HADH: variants seen among roughly 807,000 people sequenced by gnomAD.
The protein encoded by HADH is hydroxyacyl-CoA dehydrogenase.
A neutral mutation model predicts 32.2 loss-of-function variants in HADH; 24 were observed. The observed-to-expected ratio is 0.75, with a 90% CI of 0.54 to 1.05. HADH has a LOEUF of 1.05. Ranked by LOEUF, HADH falls within the 50% of genes least tolerant of loss-of-function variation. The pLI, the probability that HADH is intolerant of heterozygous loss-of-function variation, is 0.00. For missense variants in HADH, 350 were observed against 397.1 expected (o/e 0.88, Z 1.01); for synonymous variants, 139 against 152.5 (o/e 0.91, Z 0.65).
At position 108,013,133 on chromosome 4, in the gene HADH, A is replaced by G. The variant is rs572436006; in HGVS notation, c.262-1298A>G. The stretch of plus-strand genomic sequence containing the variant: ...TTTTTAGTGGAGACGGGGTTTCACC[A>G]TGTTATCCCGGATGGTCTCGATCTC... On this transcript the variant is annotated intron_variant, in intron 2 of 7. Transcript: ENST00000309522. 1.7e-4 allele frequency among the ~76,000 whole-genome samples: 26 copies of G among 152,278 alleles called. No homozygotes were observed. In the South Asian group the frequency reaches 5.2e-3, roughly 30 times the overall value.
chr4:107,990,549 G>C (rs530690084), intron 1 of HADH, among the ~76,000 whole-genome samples: 2 of 152,172 alleles, frequency 1.3e-5, no homozygotes, highest in African/African-American at 4.8e-5. Flanking sequence ...TCTCCTAAAC[G>C]GCCTCCCGGC....
chr4:108,009,964 G>A lies in HADH; in HGVS notation c.261+77G>A, dbSNP rs1007574923. On this transcript the variant is annotated intron_variant, in intron 2 of 7. Coordinates refer to ENST00000309522, the MANE Select transcript of HADH (RefSeq NM_005327.7). ...TTTGCAGGGCAATGGGGGATTTCTG[G>A]CTTTCTTTCTTTCTTTTTTTTTTTT... 4.5e-6 allele frequency: 4 copies of A among 897,736 alleles called. No individual in the cohort carries two copies. The African/African-American group carries it at 7.1e-5, about 16-fold the overall frequency. The allele number at this position is 897,736 out of a possible 1,614,324, so 55.6% of individuals were successfully genotyped here.
chr4:108,028,537 C>T (rs144223482), intron 6 of HADH: 34 of 249,362 alleles, frequency 1.4e-4, no homozygotes, highest in African/African-American at 6.8e-4. Flanking sequence ...AAAACATTTA[C>T]ACCAGCTCTT....
chr4:107,997,024 C>T (rs1165953815), intron 1 of HADH, among the ~76,000 whole-genome samples: 1 of 152,144 alleles, frequency 6.6e-6, no homozygotes, highest in Non-Finnish European at 1.5e-5. Flanking sequence ...CAAGACATTA[C>T]ACAACCAGAG....
intron 1 of HADH, among the ~76,000 whole-genome samples, chr4:107,997,712 A>G (rs922298217): frequency 2.0e-5 from 3 of 152,050 alleles, no homozygotes; most frequent in Non-Finnish European, 4.4e-5. Context: ...CATGTAGGTC[A>G]CTGTAATATA....
In HADH at chr4:108,009,455, A is replaced by G. The variant is rs6810610; in HGVS notation, c.133-304A>G. ...GAGAAGTATTTAGAGCTTGGCCTTC[A>G]GGGCTTTGATTCAGATTCCGGCTCT... On this transcript the variant is annotated intron_variant, in intron 1 of 7. Transcript: ENST00000309522. Among the ~76,000 whole-genome samples, 132,756 of 152,268 alleles carry G rather than the reference A, an allele frequency of 0.87. 58,642 individuals carry two copies. The highest frequency in any genetic ancestry group is 0.97 in the East Asian group (5,038 of 5,182).
At chr4:108,032,999 A>T in intron 6 of HADH, 177 bp from the exon 7 acceptor site, 1 of 656,590 alleles carries the variant, frequency 1.5e-6, no homozygotes, top group Non-Finnish European at 2.8e-6. Flanking sequence ...ACAAAGTCTT[A>T]TGACCTCTTT....
intron 4 of HADH, among the ~76,000 whole-genome samples, chr4:108,022,165 A>ATGTGTGTGTGTGTGTG (rs771719177): frequency 1.6e-5 from 2 of 121,238 alleles, no homozygotes; most frequent in African/African-American, 5.9e-5. Flanking sequence ...TTACATATAT[A>ATGTGTGTGTGTGTGTG]TATGTGTGTG....
intron 7 of HADH, 64 bp downstream of exon 7, chr4:108,033,356 G>A: frequency 1.1e-6 from 1 of 887,374 alleles, no homozygotes; most frequent in Non-Finnish European, 1.9e-6. Context: ...AAATTATAAT[G>A]CCTTTTTAAA....
At chr4:108,009,977 C>CTT (rs11388783) in intron 2 of HADH, 90 bp downstream of exon 2, 25,574 of 546,742 alleles carry the variant, frequency 0.047, 3 homozygotes, top group East Asian at 0.069. Context: ...TTCTTTCTTT[C>CTT]TTTTTTTTTT....
At chr4:108,033,358 CT>C in intron 7 of HADH, 66 bp downstream of exon 7, 2 of 879,326 alleles carry the variant, frequency 2.3e-6, no homozygotes, top group Non-Finnish European at 3.9e-6. Context: ...ATTATAATGC[CT>C]TTTTAAAAAA....
rs181400190 is a variant in HADH, at chr4:107,991,627, C to T, written c.132+1563C>T. Among the ~76,000 whole-genome samples the T allele has an allele frequency of 2.8e-3, 426 of 152,188 alleles. 3 individuals carry two copies. The highest frequency in any genetic ancestry group is 0.017 in the Middle Eastern group (5 of 294). ...CCTGGCTGCTAGGTTATAGTATCCC[C>T]ATAATCTATGTTGTATGTGGACTGG... On this transcript the variant is annotated intron_variant, in intron 1 of 7. Coordinates refer to ENST00000309522, the MANE Select transcript of HADH (RefSeq NM_005327.7).
chr4:107,992,023 G>A (rs1734829932), intron 1 of HADH, among the ~76,000 whole-genome samples: 1 of 152,230 alleles, frequency 6.6e-6, no homozygotes, highest in Non-Finnish European at 1.5e-5. Context: ...AAAAATGGAT[G>A]TTGTGTTGCA....
At chr4:108,031,395 G>A (rs1014939860) in intron 6 of HADH, 13 of 152,306 alleles carry the variant, frequency 8.5e-5, no homozygotes, top group African/African-American at 3.1e-4. Context: ...CCAAGCCTGA[G>A]GAGCCTGTGA....
At chr4:108,027,960 G>C (rs1344050164) in intron 6 of HADH, 200 bp downstream of exon 6, 1 of 619,742 alleles carries the variant, frequency 1.6e-6, no homozygotes, top group Non-Finnish European at 2.9e-6. Context: ...TTCCCTGTGG[G>C]CCTCTGAGAA....
chr4:108,025,135 C>T (rs1416253255), intron 5 of HADH: 1 of 152,180 alleles, frequency 6.6e-6, no homozygotes. Flanking sequence ...CAGCCATAGA[C>T]AGTATATGCA....
At chr4:108,031,300 T>G (rs1405765247) in intron 6 of HADH, 3 of 152,338 alleles carry the variant, frequency 2.0e-5, no homozygotes, top group Non-Finnish European at 4.4e-5. Flanking sequence ...GTCAGAAGTA[T>G]GACACCTGAG....
chr4:108,008,199 G>A (rs922173973), intron 1 of HADH, among the ~76,000 whole-genome samples: 1 of 152,206 alleles, frequency 6.6e-6, no homozygotes, highest in African/African-American at 2.4e-5. Flanking sequence ...GCAGCCTGTG[G>A]AATGTTTCTG....
At chr4:108,003,838 C>T (rs1341647713) in intron 1 of HADH, among the ~76,000 whole-genome samples, 2 of 150,792 alleles carry the variant, frequency 1.3e-5, no homozygotes, top group Admixed American at 1.3e-4. Flanking sequence ...AAAAAAAAAA[C>T]CCGCAAGCTA....
Sources: gnomAD v4.1 joint callset for allele counts (sites outside exome capture counted in the v4.1 genomes callset) on GRCh38, gnomAD v4.1.1 for gene constraint, MANE v1.5 for transcripts, NCBI Gene and HGNC (gene_info 2026-07-23, HGNC 2026-07-21) for gene names.